ITGA2: variants seen among roughly 807,000 people sequenced by gnomAD.
The protein encoded by ITGA2 is integrin alpha-2.
Under a neutral mutation model 146.3 loss-of-function variants are expected in ITGA2, and 101 were observed. That is an observed-to-expected ratio of 0.69 (90% CI 0.59 to 0.81). The LOEUF (loss-of-function observed/expected upper bound fraction) is 0.81. ITGA2 is among the 40% of genes least tolerant of loss of function. The pLI, the probability that ITGA2 is intolerant of heterozygous loss-of-function variation, is 0.00. For synonymous variants in ITGA2, 477 were observed against 487.1 expected (o/e 0.98, Z 0.27); for missense variants, 1,281 against 1,402.7 (o/e 0.91, Z 1.39).
intron 1 of ITGA2, among the ~76,000 whole-genome samples, chr5:52,995,764 C>T (rs538940338): frequency 1.2e-4 from 18 of 152,186 alleles, no homozygotes; most frequent in African/African-American, 4.1e-4. Flanking sequence ...GTCATTGGCA[C>T]CTAGAGAATA....
chr5:53,060,446 A>C (rs919335880), intron 11 of ITGA2, among the ~76,000 whole-genome samples: 4 of 151,948 alleles, frequency 2.6e-5, no homozygotes, highest in African/African-American at 9.7e-5. Context: ...CAAGTCTTTC[A>C]GGGATGTTTT....
chr5:53,039,398 A>G (rs1450595549), intron 2 of ITGA2, among the ~76,000 whole-genome samples: 2 of 152,192 alleles, frequency 1.3e-5, no homozygotes, highest in Non-Finnish European at 2.9e-5. Context: ...CAGAATGTAT[A>G]ATGCTTCCCT....
At position 53,059,873 on chromosome 5, in the gene ITGA2, G is replaced by C; in HGVS notation, c.1174-1G>C. ...TGATCTTCATTTTTCAATTATTTTA[G>C]GATATTCTGATGCTGGGTGCAGTGG... On this transcript the variant is annotated splice_acceptor_variant, in intron 10 of 29. Transcript: ENST00000296585. LOFTEE classifies it high-confidence loss of function. 6.2e-7 allele frequency: 1 copy of C among 1,611,548 alleles called. No homozygotes were observed.
intron 28 of ITGA2, among the ~76,000 whole-genome samples, chr5:53,088,168 T>A (rs1441345429): frequency 1.3e-5 from 2 of 152,176 alleles, no homozygotes; most frequent in Admixed American, 6.5e-5. Flanking sequence ...TATTATAGAT[T>A]TTTTTTAAAA....
At position 53,074,322 on chromosome 5, in the gene ITGA2, C is replaced by T. The variant is rs1745549150; in HGVS notation, c.2572-63C>T. The T allele has an allele frequency of 3.1e-5, 38 of 1,242,448 alleles. No individual in the cohort carries two copies. The South Asian group carries it at 3.6e-4, about 12-fold the overall frequency. The allele number at this position is 1,242,448 out of a possible 1,614,324, so 77.0% of individuals were successfully genotyped here. A position where few individuals can be genotyped will look rare whatever the true frequency, so the allele number is the denominator to read the frequency against. On this transcript the variant is annotated intron_variant, in intron 20 of 29. Transcript: ENST00000296585. ...GCCACTGTACCTCTTTTACCAGGTG[C>T]GTGCATACACACACAAATGTTGTAT...
intron 1 of ITGA2, among the ~76,000 whole-genome samples, chr5:53,001,350 A>C (rs1741575690): frequency 6.6e-6 from 1 of 152,142 alleles, no homozygotes; most frequent in Non-Finnish European, 1.5e-5. Context: ...AGTTTCATAC[A>C]ATTTCAGGGC....
chr5:53,001,014 G>T lies in ITGA2; in HGVS notation c.64+11482G>T, dbSNP rs563855169. Reference sequence around the variant, plus strand: ...ACTCCCGGGTTCAAGCGATTCTCCTGCCTCAGATTCCTGAGTAGCTGGTAA... The same window carrying T: ...ACTCCCGGGTTCAAGCGATTCTCCTTCCTCAGATTCCTGAGTAGCTGGTAA... On this transcript the variant is annotated intron_variant, in intron 1 of 29. Coordinates refer to ENST00000296585, the MANE Select transcript of ITGA2 (RefSeq NM_002203.4). Among the ~76,000 whole-genome samples, 15 of 144,406 alleles carry T rather than the reference G, an allele frequency of 1.0e-4. No homozygotes were observed. The South Asian group carries it at 3.3e-3, about 31-fold the overall frequency. The allele number at this position is 144,406 out of a possible 152,430, so 94.7% of individuals were successfully genotyped here.
intron 28 of ITGA2, chr5:53,089,185 CAAGTA>C (rs1040755952): frequency 6.6e-6 from 1 of 152,124 alleles, no homozygotes; most frequent in African/African-American, 2.4e-5. Context: ...AATGTTACAT[CAAGTA>C]AATAAAACAC....
At chr5:53,011,738 G>GC (rs1742140489) in intron 1 of ITGA2, among the ~76,000 whole-genome samples, 1 of 151,898 alleles carries the variant, frequency 6.6e-6, no homozygotes, top group African/African-American at 2.4e-5. Context: ...TATGTGAGTG[G>GC]GGGGGAGTGA....
Position 53,045,099 on chromosome 5 carries a change from GTTTAC to G in ITGA2, c.387+13_387+17del, listed in dbSNP as rs1561117942. The G allele has an allele frequency of 3.7e-6, 6 of 1,601,648 alleles. No homozygotes were observed. The highest frequency in any genetic ancestry group is 1.3e-5 in the African/African-American group (1 of 74,786). On this transcript the variant is annotated splice_region_variant and intron_variant, in intron 4 of 29. Coordinates refer to ENST00000296585, the MANE Select transcript of ITGA2 (RefSeq NM_002203.4). ...GGGAACTGGAGGTTTTCTCGTGAGT[GTTTAC>G]TTTACAAATCATTATTCCTCTCAAG... is the stretch of plus-strand genomic sequence containing the variant.
intron 1 of ITGA2, among the ~76,000 whole-genome samples, chr5:53,019,959 T>C (rs1742592794): frequency 6.6e-6 from 1 of 152,218 alleles, no homozygotes; most frequent in Non-Finnish European, 1.5e-5. Flanking sequence ...ATAAGTTAGA[T>C]GTTATTATAG....
intron 1 of ITGA2, among the ~76,000 whole-genome samples, chr5:53,021,386 G>A (rs1287505576): frequency 6.6e-6 from 1 of 152,098 alleles, no homozygotes; most frequent in Non-Finnish European, 1.5e-5. Flanking sequence ...ATTTTTATTA[G>A]CAAAATAGAA....
intron 2 of ITGA2, among the ~76,000 whole-genome samples, chr5:53,032,556 C>T (rs952016853): frequency 3.9e-5 from 6 of 152,108 alleles, no homozygotes; most frequent in Non-Finnish European, 7.4e-5. Flanking sequence ...CAAAATGAGA[C>T]AAAATGTTCC....
intron 2 of ITGA2, among the ~76,000 whole-genome samples, chr5:53,039,827 A>G (rs756221166): frequency 5.9e-5 from 9 of 151,954 alleles, no homozygotes; most frequent in Non-Finnish European, 1.3e-4. Context: ...ATAGCATAGA[A>G]TCATCCATTC....
At chr5:53,077,320 A>G (rs746400392) in intron 23 of ITGA2, among the ~76,000 whole-genome samples, 2 of 152,092 alleles carry the variant, frequency 1.3e-5, no homozygotes, top group South Asian at 4.1e-4. Flanking sequence ...AAAATCCTAC[A>G]CAATAACTTA....
intron 1 of ITGA2, among the ~76,000 whole-genome samples, chr5:53,006,463 A>C (rs993034710): frequency 6.6e-6 from 1 of 152,236 alleles, no homozygotes; most frequent in African/African-American, 2.4e-5. Flanking sequence ...CTTTTAATTC[A>C]TTGATGTATA....
chr5:53,039,654 C>T (rs1019557426), intron 2 of ITGA2, among the ~76,000 whole-genome samples: 1 of 143,934 alleles, frequency 6.9e-6, no homozygotes, highest in Non-Finnish European at 1.5e-5. Context: ...GCAGGAGAGT[C>T]GCTTAAACCC....
intron 3 of ITGA2, among the ~76,000 whole-genome samples, chr5:53,044,749 A>G (rs1469653688): frequency 1.3e-5 from 2 of 152,154 alleles, no homozygotes; most frequent in African/African-American, 2.4e-5. Flanking sequence ...ATAATTAAAC[A>G]TCTATAAGTC....
chr5:53,018,162 C>T lies in ITGA2; in HGVS notation c.65-8586C>T, dbSNP rs555689736. Among the ~76,000 whole-genome samples, 24 of 152,254 alleles carry T rather than the reference C, an allele frequency of 1.6e-4. 1 individual carries two copies. The South Asian group carries it at 4.6e-3, about 29-fold the overall frequency. On this transcript the variant is annotated intron_variant, in intron 1 of 29. Coordinates refer to ENST00000296585, the MANE Select transcript of ITGA2 (RefSeq NM_002203.4). ...GGCCCCATCCCACGGGCAAGACTGC[C>T]CTGCTCTGTCCGGGTCCAACAGTCA...
Sources: allele counts gnomAD v4.1 joint callset (sites outside exome capture counted in the v4.1 genomes callset), GRCh38; gene constraint gnomAD v4.1.1; transcripts MANE v1.5; gene names NCBI Gene and HGNC (gene_info 2026-07-23, HGNC 2026-07-21).